The following CREB5 variants were observed in gnomAD, a reference collection of about 807,000 sequenced individuals.
CREB5 encodes cyclic AMP-responsive element-binding protein 5.
In CREB5, 19 loss-of-function variants were observed where a neutral mutation model predicts 57.1. The ratio of observed to expected loss-of-function variants is 0.33; its 90% CI spans 0.23 to 0.49. The LOEUF (loss-of-function observed/expected upper bound fraction) is 0.49. Among genes scored for constraint, CREB5 ranks in the 20% least tolerant of loss-of-function variants. The pLI is 0.99. For synonymous variants in CREB5, 238 were observed against 238.3 expected, an observed-to-expected ratio of 1.00 and a Z score of 0.01; for missense variants, 579 against 671.6, an observed-to-expected ratio of 0.86 and a Z score of 1.52.
At chr7:28,596,566 A>T (rs144984273) in intron 5 of CREB5, among the ~76,000 whole-genome samples, 1 of 152,334 alleles carries the variant, frequency 6.6e-6, no homozygotes, top group Non-Finnish European at 1.5e-5. Flanking sequence ...TCCAAATGAA[A>T]CAAGTTCCTT....
chr7:28,452,372 TA>T (rs932712064), intron 1 of CREB5, among the ~76,000 whole-genome samples: 4 of 152,142 alleles, frequency 2.6e-5, no homozygotes, highest in Non-Finnish European at 5.9e-5. Context: ...TTTTATAGAC[TA>T]AAAAACCCAC....
chr7:28,518,378 C>T (rs73299166), intron 4 of CREB5, among the ~76,000 whole-genome samples: 27,618 of 152,112 alleles, frequency 0.18, 4,430 homozygotes, highest in African/African-American at 0.44. Context: ...TGATGCAGCA[C>T]TGGGCATTTT....
At chr7:28,314,404 A>C (rs1445074263) in intron 1 of CREB5, among the ~76,000 whole-genome samples, 1 of 152,142 alleles carries the variant, frequency 6.6e-6, no homozygotes, top group East Asian at 1.9e-4. Context: ...ACTTGCTCCA[A>C]GTTAAAATGG....
intron 5 of CREB5, among the ~76,000 whole-genome samples, chr7:28,716,117 G>T (rs1802671004): frequency 6.6e-6 from 1 of 151,850 alleles, no homozygotes; most frequent in Non-Finnish European, 1.5e-5. Flanking sequence ...CCATTAAGTT[G>T]TTTAATTAAT....
chr7:28,688,475 T>C (rs1373793728), intron 5 of CREB5, among the ~76,000 whole-genome samples: 1 of 152,222 alleles, frequency 6.6e-6, no homozygotes, highest in Non-Finnish European at 1.5e-5. Context: ...AGTTTCTGTA[T>C]TTTTAACATA....
chr7:28,798,905 A>G (rs1051504465), intron 7 of CREB5, among the ~76,000 whole-genome samples: 1 of 152,220 alleles, frequency 6.6e-6, no homozygotes, highest in South Asian at 2.1e-4. Flanking sequence ...GTTATTTAAA[A>G]CAAGACACAG....
At chr7:28,440,049 A>G (rs928967474) in intron 1 of CREB5, among the ~76,000 whole-genome samples, 2 of 152,196 alleles carry the variant, frequency 1.3e-5, no homozygotes, top group Non-Finnish European at 2.9e-5. Flanking sequence ...TATCAGTTGA[A>G]AAACACTTTC....
At chr7:28,357,968 C>T (rs1786380487) in intron 1 of CREB5, among the ~76,000 whole-genome samples, 1 of 152,092 alleles carries the variant, frequency 6.6e-6, no homozygotes, top group Non-Finnish European at 1.5e-5. Flanking sequence ...TTAGTATGTG[C>T]TTATTGATAG....
At chr7:28,769,015 T>G (rs1484063829) in intron 7 of CREB5, among the ~76,000 whole-genome samples, 2 of 152,254 alleles carry the variant, frequency 1.3e-5, no homozygotes, top group African/African-American at 4.8e-5. Flanking sequence ...CCACTAGCTG[T>G]GAGTCCTTGA....
intron 4 of CREB5, among the ~76,000 whole-genome samples, chr7:28,566,221 T>C (rs1471930425): frequency 6.6e-6 from 1 of 152,220 alleles, no homozygotes; most frequent in Non-Finnish European, 1.5e-5. Context: ...ATGTTAGCAT[T>C]TTTGGAGGCC....
chr7:28,352,070 T>A, intron 1 of CREB5, among the ~76,000 whole-genome samples: 1 of 152,248 alleles, frequency 6.6e-6, no homozygotes, highest in East Asian at 1.9e-4. Flanking sequence ...TCTGTTATCA[T>A]TTGAAGGCAT....
At chr7:28,560,957 T>TGTGCGCGTGCGCGTGCGTGCGC (rs1562798112) in intron 4 of CREB5, among the ~76,000 whole-genome samples, 1 of 43,438 alleles carries the variant, frequency 2.3e-5, no homozygotes, top group Non-Finnish European at 4.4e-5. Context: ...TGTGCGTGTG[T>TGTGCGCGTGCGCGTGCGTGCGC]GTGCGTGTGT....
chr7:28,621,124 T>G (rs1226220425), intron 5 of CREB5, among the ~76,000 whole-genome samples: 2 of 148,262 alleles, frequency 1.3e-5, no homozygotes, highest in Non-Finnish European at 3.0e-5. Flanking sequence ...GACAGCCCCT[T>G]GAGACATCCA....
intron 1 of CREB5, among the ~76,000 whole-genome samples, chr7:28,359,186 A>G (rs1407527421): frequency 6.6e-6 from 1 of 151,332 alleles, no homozygotes; most frequent in African/African-American, 2.4e-5. Context: ...AAACAAACAA[A>G]CAAAAACCCA....
rs545595178 is a variant in CREB5 at position 28,418,717 on chromosome 7, T to G, written c.3+5800T>G. On this transcript the variant is annotated intron_variant, in intron 1 of 10. Transcript: ENST00000357727. Reference sequence around the variant, plus strand: ...GCTTTCATTTATTAACACATATCTCTAATCCCCATTTTATAGATGGGAAAA... The same window carrying G: ...GCTTTCATTTATTAACACATATCTCGAATCCCCATTTTATAGATGGGAAAA... Among the ~76,000 whole-genome samples the G allele has an allele frequency of 2.6e-5, 4 of 152,378 alleles. No individual in the cohort carries two copies. In the East Asian group the frequency reaches 5.8e-4, roughly 22 times the overall value.
chr7:28,349,903 G>T (rs1035743905), intron 1 of CREB5, among the ~76,000 whole-genome samples: 1 of 152,206 alleles, frequency 6.6e-6, no homozygotes, highest in African/African-American at 2.4e-5. Flanking sequence ...TAGCTCTGTG[G>T]AAAAGGTGAT....
intron 5 of CREB5, among the ~76,000 whole-genome samples, chr7:28,658,840 A>G (rs1204992380): frequency 1.3e-5 from 2 of 151,340 alleles, no homozygotes; most frequent in African/African-American, 4.9e-5. Context: ...GTAGGGGAAA[A>G]AACAGCATAG....
chr7:28,524,671 AG>A (rs1280178810), intron 4 of CREB5, among the ~76,000 whole-genome samples: 2 of 152,142 alleles, frequency 1.3e-5, no homozygotes, highest in Non-Finnish European at 2.9e-5. Flanking sequence ...CGTTTTTGTG[AG>A]TTTTAATTTT....
chr7:28,380,409 A>G (rs1024914050), intron 1 of CREB5, among the ~76,000 whole-genome samples: 2 of 152,096 alleles, frequency 1.3e-5, no homozygotes, highest in African/African-American at 4.8e-5. Context: ...TTCTCTGACA[A>G]GTGGTTTTGA....
Sources: gnomAD v4.1 joint callset for allele counts (sites outside exome capture counted in the v4.1 genomes callset) on GRCh38, gnomAD v4.1.1 for gene constraint, MANE v1.5 for transcripts, NCBI Gene and HGNC (gene_info 2026-07-23, HGNC 2026-07-21) for gene names.